CBLC: variants seen among roughly 807,000 people sequenced by gnomAD.
CBLC encodes E3 ubiquitin-protein ligase CBL-C.
In CBLC, 46 loss-of-function variants were observed where a neutral mutation model predicts 58.6. The observed-to-expected ratio is 0.79, with a 90% CI of 0.62 to 1.00. CBLC has a LOEUF of 1.00. Among genes scored for constraint, CBLC ranks in the 50% least tolerant of loss-of-function variants. CBLC has a pLI of 0.00. For missense variants in CBLC, 655 were observed against 625.8 expected (o/e 1.05, Z -0.50); for synonymous variants, 271 against 264.2 (o/e 1.03, Z -0.25).
intron 9 of CBLC, among the ~76,000 whole-genome samples, chr19:44,796,820 A>G (rs1410869877): frequency 1.3e-5 from 2 of 152,140 alleles, no homozygotes; most frequent in Admixed American, 6.6e-5. Flanking sequence ...GGCTTCGATC[A>G]ATACTGAGCT....
chr19:44,790,253 G>A (rs1968012939), intron 6 of CBLC, among the ~76,000 whole-genome samples, 162 bp downstream of exon 6: 2 of 151,912 alleles, frequency 1.3e-5, no homozygotes, highest in Admixed American at 1.3e-4. Flanking sequence ...CGGAAAATAC[G>A]GCTCCTCCTG....
rs1397115734 is a variant in CBLC at position 44,778,053 on chromosome 19, C to G, written c.122C>G (p.Pro41Arg). 6.8e-6 allele frequency: 11 copies of G among 1,609,062 alleles called. No individual in the cohort carries two copies. The highest frequency in any genetic ancestry group is 9.3e-6 in the Non-Finnish European group (11 of 1,179,634). ...QCVDPRLSVS[P>R]PSLRDLLPRT... ...GTCGACCCCCGGCTGTCCGTGAGTC[C>G]CCCTTCGCTGCGGGACCTGCTGCCC... Residue 41 changes from proline (P) to arginine (R), a missense_variant, in exon 1 of 11, where the codon CCC (proline) becomes CGC (arginine). Around this residue, in one of 3 missense-constraint regions of CBLC, gnomAD observed 280 missense variants for 237.2 expected, o/e 1.18. Coordinates refer to ENST00000647358, the MANE Select transcript of CBLC (RefSeq NM_012116.4).
At chr19:44,786,751 C>G (rs1406077320) in intron 5 of CBLC, among the ~76,000 whole-genome samples, 1 of 152,174 alleles carries the variant, frequency 6.6e-6, no homozygotes, top group Non-Finnish European at 1.5e-5. Context: ...CACATCACAG[C>G]CTTCTTTCAC....
At chr19:44,779,356 A>G (rs1967662291) in intron 1 of CBLC, among the ~76,000 whole-genome samples, 1 of 151,956 alleles carries the variant, frequency 6.6e-6, no homozygotes, top group Non-Finnish European at 1.5e-5. Flanking sequence ...TGCCTGGACT[A>G]CCCACTTGGT....
At chr19:44,779,263 G>A (rs1477424843) in intron 1 of CBLC, among the ~76,000 whole-genome samples, 1 of 152,126 alleles carries the variant, frequency 6.6e-6, no homozygotes, top group Non-Finnish European at 1.5e-5. Flanking sequence ...CTCAGAATGT[G>A]GAGACCCCAT....
At position 44,784,301 on chromosome 19, in the gene CBLC, TG is replaced by T; in HGVS notation, c.820del (p.Ala274ProfsTer5). The T allele has an allele frequency of 6.3e-7, 1 of 1,593,764 alleles. No individual in the cohort carries two copies. The highest frequency in any genetic ancestry group is 8.6e-7 in the Non-Finnish European group (1 of 1,163,690). The part of the protein sequence containing the change: ...FRPSCTRLGQ[W>X]AIGYVSSDGS... The stretch of plus-strand genomic sequence containing the variant: ...GCCCAGCTGTACTCGCCTGGGGCAG[TG>T]GGCCATCGGCTATGTGAGCTCAGAT... On this transcript the variant is annotated frameshift_variant, in exon 5 of 11. Coordinates refer to ENST00000647358, the MANE Select transcript of CBLC (RefSeq NM_012116.4). LOFTEE classifies it high-confidence loss of function.
At chr19:44,789,888 G>C (rs1968000780) in intron 5 of CBLC, 116 bp from the exon 6 acceptor site, 1 of 740,342 alleles carries the variant, frequency 1.4e-6, no homozygotes, top group South Asian at 1.5e-5. Context: ...AATGGATTTG[G>C]GACAGATCCT....
At chr19:44,796,686 A>G (rs1968185027) in intron 9 of CBLC, among the ~76,000 whole-genome samples, 2 of 151,984 alleles carry the variant, frequency 1.3e-5, no homozygotes, top group African/African-American at 4.8e-5. Flanking sequence ...CGCCCGGCCT[A>G]CTTATTTTTT....
Position 44,800,394 on chromosome 19 carries a change from G to A in CBLC, c.1376G>A (p.Gly459Glu). ...NAQPKVRLLK[G>E]NSPPAALGPQ... ...TCTCCATTGCAGAGACTCCTAAAGG[G>A]GAACTCCCCTCCAGCTGCGCTGGGA... The change falls in exon 10 of 11, where the codon GGG (glycine) becomes GAG (glutamate). Residue 459 changes from glycine to glutamate, a missense_variant. Physicochemically the swap from Gly to Glu is moderately conservative, Grantham distance 98. Transcript: ENST00000647358. The A allele has an allele frequency of 6.2e-7, 1 of 1,612,808 alleles. No individual in the cohort carries two copies. The highest frequency in any genetic ancestry group is 1.7e-4 in the Middle Eastern group (1 of 6,052).
In CBLC at chr19:44,799,623, C is replaced by T. The variant is rs551772569; in HGVS notation, c.1363-758C>T. ...CTGGGATTACGGGTGTGAGCCACCG[C>T]GCGTGGCCCCTGTTTTTTCGGTTTG... On this transcript the variant is annotated intron_variant, in intron 9 of 10. Coordinates refer to ENST00000647358, the MANE Select transcript of CBLC (RefSeq NM_012116.4). Among the ~76,000 whole-genome samples the T allele has an allele frequency of 3.9e-5, 6 of 151,960 alleles. No individual in the cohort carries two copies. The South Asian group carries it at 6.2e-4, about 16-fold the overall frequency.
Position 44,787,842 on chromosome 19 carries a change from C to T in CBLC, c.918-2162C>T, listed in dbSNP as rs947202967. ...CAAAAAAAAAAAAAAAAAATTTATT[C>T]GCCAAGCATGGTGGCTCATGCCTGA... On this transcript the variant is annotated intron_variant, in intron 5 of 10. Transcript: ENST00000647358. 6.6e-5 allele frequency among the ~76,000 whole-genome samples: 10 copies of T among 150,682 alleles called. No homozygotes were observed. In the East Asian group the frequency reaches 1.4e-3, roughly 21 times the overall value.
At chr19:44,792,111 A>G (rs1968067479) in intron 6 of CBLC, among the ~76,000 whole-genome samples, 2 of 151,440 alleles carry the variant, frequency 1.3e-5, no homozygotes, top group East Asian at 3.9e-4. Flanking sequence ...CTCCTGCCTC[A>G]GCCTCCTGAG....
At chr19:44,800,016 G>A (rs1037445171) in intron 9 of CBLC, among the ~76,000 whole-genome samples, 17 of 152,156 alleles carry the variant, frequency 1.1e-4, no homozygotes, top group African/African-American at 2.7e-4. Flanking sequence ...CATCCTACAC[G>A]AGTTAGAGGT....
At chr19:44,793,154 T>A (rs1400774640) in intron 7 of CBLC, among the ~76,000 whole-genome samples, 4 of 151,972 alleles carry the variant, frequency 2.6e-5, no homozygotes, top group Non-Finnish European at 2.9e-5. Flanking sequence ...TCCGTTTTTT[T>A]AAAAAACAAC....
At chr19:44,781,157 T>G (rs917964274) in intron 2 of CBLC, 50 bp from the exon 3 acceptor site, 2 of 1,578,710 alleles carry the variant, frequency 1.3e-6, no homozygotes, top group East Asian at 2.2e-5. Flanking sequence ...CCTCCCATCA[T>G]AGGCTCTGGG....
intron 5 of CBLC, among the ~76,000 whole-genome samples, chr19:44,786,613 AAAAG>A (rs1251659885): frequency 6.6e-6 from 1 of 151,990 alleles, no homozygotes; most frequent in Admixed American, 6.6e-5. Context: ...AAAAAAGAAA[AAAAG>A]AAAAAAAAAT....
intron 5 of CBLC, among the ~76,000 whole-genome samples, chr19:44,784,743 A>T (rs533595611): frequency 6.6e-6 from 1 of 151,934 alleles, no homozygotes; most frequent in African/African-American, 2.4e-5. Flanking sequence ...GTTAATTTTT[A>T]AAAAATGAGA....
Position 44,778,048 on chromosome 19 carries a change from G to C in CBLC, c.117G>C (p.Val39=). The C allele has an allele frequency of 6.2e-7, 1 of 1,609,260 alleles. No individual in the cohort carries two copies. The highest frequency in any genetic ancestry group is 2.2e-5 in the East Asian group (1 of 44,842). The stretch of plus-strand genomic sequence containing the variant: ...AATGCGTCGACCCCCGGCTGTCCGT[G>C]AGTCCCCCTTCGCTGCGGGACCTGC... ...EEQCVDPRLS[V]SPPSLRDLLP... is the part of the protein sequence containing the mutation. Residue 39 remains valine, a synonymous_variant, in exon 1 of 11, where the codon GTG becomes GTC. Transcript: ENST00000647358.
At chr19:44,790,162 G>T (rs1968011020) in intron 6 of CBLC, 71 bp downstream of exon 6, 1 of 1,189,946 alleles carries the variant, frequency 8.4e-7, no homozygotes, top group African/African-American at 1.5e-5. Flanking sequence ...TTGGCTCAGA[G>T]GCCTGGGGTT....
Sources: allele counts gnomAD v4.1 joint callset (sites outside exome capture counted in the v4.1 genomes callset), GRCh38; gene constraint gnomAD v4.1.1; regional missense constraint gnomAD v4.1.1; transcripts MANE v1.5; gene names NCBI Gene and HGNC (gene_info 2026-07-23, HGNC 2026-07-21).